ATG5: variants seen among roughly 807,000 people sequenced by gnomAD.
ATG5 encodes the protein autophagy protein 5.
Under a neutral mutation model 36.5 loss-of-function variants are expected in ATG5, and 14 were observed. The ratio of observed to expected loss-of-function variants is 0.38; its 90% CI spans 0.25 to 0.60. The LOEUF is 0.60. Ranked by LOEUF, ATG5 falls within the 20% of genes least tolerant of loss-of-function variation. The pLI is 0.60. For synonymous variants in ATG5, 95 were observed against 101.5 expected (o/e 0.94, Z 0.38); for missense variants, 195 against 326.7 (o/e 0.60, Z 3.11).
intron 7 of ATG5, among the ~76,000 whole-genome samples, chr6:106,200,051 C>T (rs1271741864): frequency 1.3e-5 from 2 of 152,092 alleles, no homozygotes; most frequent in African/African-American, 4.8e-5. Context: ...TTGTAGGTGC[C>T]CTTCCCCTTC....
At chr6:106,216,197 C>T (rs1387200108) in intron 6 of ATG5, among the ~76,000 whole-genome samples, 2 of 152,102 alleles carry the variant, frequency 1.3e-5, no homozygotes, top group African/African-American at 4.8e-5. Context: ...GACAATACCC[C>T]AAAGGTTTAA....
intron 6 of ATG5, among the ~76,000 whole-genome samples, chr6:106,222,213 A>C (rs1016476720): frequency 6.6e-6 from 1 of 152,188 alleles, no homozygotes; most frequent in Non-Finnish European, 1.5e-5. Context: ...TTGTGGAGAG[A>C]GGTAAAGAAA....
intron 6 of ATG5, among the ~76,000 whole-genome samples, chr6:106,241,920 A>AAC (rs145320838): frequency 4.6e-5 from 7 of 151,396 alleles, no homozygotes; most frequent in South Asian, 2.1e-4. Flanking sequence ...TCTCTACACA[A>AAC]ACACACACAC....
chr6:106,320,247 T>C (rs1430694946), intron 1 of ATG5, among the ~76,000 whole-genome samples: 2 of 152,210 alleles, frequency 1.3e-5, no homozygotes, highest in Non-Finnish European at 2.9e-5. Context: ...TATAATTAAA[T>C]GTTACTCTGT....
intron 5 of ATG5, among the ~76,000 whole-genome samples, chr6:106,274,161 T>C (rs1297284434): frequency 6.6e-6 from 1 of 152,212 alleles, no homozygotes; most frequent in Non-Finnish European, 1.5e-5. Context: ...AAAAACATTT[T>C]TTATAGATTT....
Position 106,185,504 on chromosome 6 carries a change from A to G in ATG5, c.*1036T>C, listed in dbSNP as rs1266314749. The G allele has an allele frequency of 6.6e-6, 1 of 152,342 alleles. No homozygotes were observed. The highest frequency in any genetic ancestry group is 2.4e-5 in the African/African-American group (1 of 41,456). The allele number at this position is 152,342 out of a possible 1,614,324, so 9.4% of individuals were successfully genotyped here. Reference sequence around the variant, plus strand: ...TGGATATTTTTGGTAAAAATTAAAGAAAAGGTACTGCAGTCAAGAGACAGG... The same window carrying G: ...TGGATATTTTTGGTAAAAATTAAAGGAAAGGTACTGCAGTCAAGAGACAGG... On this transcript the variant is annotated 3_prime_UTR_variant, in exon 8 of 8. Transcript: ENST00000369076.
At chr6:106,245,327 G>A (rs559873645) in intron 6 of ATG5, among the ~76,000 whole-genome samples, 3 of 152,244 alleles carry the variant, frequency 2.0e-5, no homozygotes, top group East Asian at 3.9e-4. Flanking sequence ...CCAGTCACAG[G>A]TATTCTAGGC....
At chr6:106,279,474 T>A (rs1582646159) in intron 5 of ATG5, among the ~76,000 whole-genome samples, 187 bp downstream of exon 5, 1 of 122,466 alleles carries the variant, frequency 8.2e-6, no homozygotes, top group Admixed American at 9.3e-5. Flanking sequence ...AGAGAATCCA[T>A]GAACAGAGGA....
chr6:106,246,583 T>C (rs1778349705), intron 6 of ATG5, among the ~76,000 whole-genome samples: 1 of 152,058 alleles, frequency 6.6e-6, no homozygotes, highest in Non-Finnish European at 1.5e-5. Flanking sequence ...ACAATAATAA[T>C]TCCTAAATTA....
Position 106,186,422 on chromosome 6 carries a change from G to T in ATG5, c.*118C>A. On this transcript the variant is annotated 3_prime_UTR_variant, in exon 8 of 8. Coordinates refer to ENST00000369076, the MANE Select transcript of ATG5 (RefSeq NM_004849.4). ...ATGGAATCTTTTTCCTGTCTGGCTT[G>T]CAGCAGCGAAGTGTTTCTGGTCAGG... 1 of 1,216,592 alleles carries T rather than the reference G, an allele frequency of 8.2e-7. No individual in the cohort carries two copies. The highest frequency in any genetic ancestry group is 1.2e-6 in the Non-Finnish European group (1 of 862,312). The allele number at this position is 1,216,592 out of a possible 1,614,324, so 75.4% of individuals were successfully genotyped here.
chr6:106,269,504 G>A (rs1315293486), intron 5 of ATG5, among the ~76,000 whole-genome samples: 1 of 152,234 alleles, frequency 6.6e-6, no homozygotes, highest in Non-Finnish European at 1.5e-5. Flanking sequence ...CATGGAAGGG[G>A]TGGGAGGCTC....
rs564887828 is a variant in ATG5 at position 106,212,223 on chromosome 6, T to C, written c.574-10134A>G. The stretch of plus-strand genomic sequence containing the variant: ...GTACAACAATTACTAAATTTCTAAG[T>C]AGCATTAATTGAACTGAAAAGGCAT... On this transcript the variant is annotated intron_variant, in intron 6 of 7. Coordinates refer to ENST00000369076, the MANE Select transcript of ATG5 (RefSeq NM_004849.4). 7.9e-5 allele frequency among the ~76,000 whole-genome samples: 12 copies of C among 152,358 alleles called. No individual in the cohort carries two copies. In the South Asian group the frequency reaches 2.3e-3, roughly 29 times the overall value.
chr6:106,311,588 A>T (rs1770647167), intron 2 of ATG5, among the ~76,000 whole-genome samples: 1 of 152,224 alleles, frequency 6.6e-6, no homozygotes, highest in Non-Finnish European at 1.5e-5. Flanking sequence ...GATGCTGAAT[A>T]TGATAGGAAG....
At chr6:106,245,612 A>G (rs1266949874) in intron 6 of ATG5, among the ~76,000 whole-genome samples, 1 of 152,160 alleles carries the variant, frequency 6.6e-6, no homozygotes, top group African/African-American at 2.4e-5. Context: ...TCACTCAAGC[A>G]TGCTCAGTAC....
At chr6:106,254,614 A>C (rs1778729700) in intron 5 of ATG5, among the ~76,000 whole-genome samples, 1 of 152,224 alleles carries the variant, frequency 6.6e-6, no homozygotes, top group Non-Finnish European at 1.5e-5. Context: ...TTTGTCATTT[A>C]TTTAATAGTT....
At chr6:106,231,948 T>C (rs1395620402) in intron 6 of ATG5, among the ~76,000 whole-genome samples, 1 of 152,162 alleles carries the variant, frequency 6.6e-6, no homozygotes, top group Non-Finnish European at 1.5e-5. Flanking sequence ...TTGCTTCCAG[T>C]GCGGTCTACA....
intron 7 of ATG5, among the ~76,000 whole-genome samples, chr6:106,194,047 C>T (rs940139757): frequency 6.6e-6 from 1 of 152,062 alleles, no homozygotes; most frequent in African/African-American, 2.4e-5. Flanking sequence ...TTCTGTCAGT[C>T]CAGTAATGTC....
In ATG5 at chr6:106,267,686, CA is replaced by C. The variant is rs1476997449; in HGVS notation, c.478+11974del. ...AACAGAGACCTCAGAAATACCACCA[CA>C]AATCTACAACCATCTGATCTTCGAC... On this transcript the variant is annotated intron_variant, in intron 5 of 7. Transcript: ENST00000369076. 5.9e-5 allele frequency among the ~76,000 whole-genome samples: 9 copies of C among 152,258 alleles called. No homozygotes were observed. The East Asian group carries it at 1.7e-3, about 29-fold the overall frequency.
chr6:106,305,727 G>A (rs1770419062), intron 3 of ATG5, among the ~76,000 whole-genome samples: 2 of 152,208 alleles, frequency 1.3e-5, no homozygotes, highest in African/African-American at 4.8e-5. Context: ...ACACTTCAGT[G>A]GTAGCTGCTT....
Sources: gnomAD v4.1 joint callset for allele counts (sites outside exome capture counted in the v4.1 genomes callset) on GRCh38, gnomAD v4.1.1 for gene constraint, MANE v1.5 for transcripts, NCBI Gene and HGNC (gene_info 2026-07-23, HGNC 2026-07-21) for gene names.